Variants in TUBGCP2 observed in about 807,000 individuals in gnomAD.
TUBGCP2 encodes the protein gamma-tubulin complex component 2.
In TUBGCP2, 55 loss-of-function variants were observed where a neutral mutation model predicts 92.2. The ratio of observed to expected loss-of-function variants is 0.60; its 90% CI spans 0.48 to 0.75. The LOEUF is 0.75. Among genes scored for constraint, TUBGCP2 ranks in the 30% least tolerant of loss-of-function variants. TUBGCP2 has a pLI of 0.00. For missense variants in TUBGCP2, 1,093 were observed against 1,188.9 expected (o/e 0.92, Z 1.19); for synonymous variants, 533 against 505.2 (o/e 1.06, Z -0.74).
At position 133,279,419 on chromosome 10, in the gene TUBGCP2, G is replaced by A. The variant is rs1305921194; in HGVS notation, c.*347C>T. 4 of 235,054 alleles carry A rather than the reference G, an allele frequency of 1.7e-5. No homozygotes were observed. Among genetic ancestry groups the A allele is most frequent in the South Asian group, 6.5e-5 (1 of 15,478 alleles). The allele number at this position is 235,054 out of a possible 1,614,324, so 14.6% of individuals were successfully genotyped here. On this transcript the variant is annotated 3_prime_UTR_variant, in exon 18 of 18. Transcript: ENST00000252936. Reference sequence around the variant, plus strand: ...CAGGAAGCCCGGCCCCAGCTCACCCGGAAAGATGTGGACACCAGGCCTGGA... The same window carrying A: ...CAGGAAGCCCGGCCCCAGCTCACCCAGAAAGATGTGGACACCAGGCCTGGA...
intron 7 of TUBGCP2, 128 bp from the exon 8 acceptor site, chr10:133,292,816 G>C: frequency 8.2e-7 from 1 of 1,224,692 alleles, no homozygotes; most frequent in South Asian, 1.5e-5. Context: ...TTTGGGATAC[G>C]TATTAACTGT....
chr10:133,280,227 C>T (rs1332909098), intron 17 of TUBGCP2, among the ~76,000 whole-genome samples: 1 of 152,208 alleles, frequency 6.6e-6, no homozygotes, highest in Non-Finnish European at 1.5e-5. Flanking sequence ...GGCACAAACA[C>T]AGGTTTCTTC....
intron 2 of TUBGCP2, among the ~76,000 whole-genome samples, chr10:133,301,452 A>AAT (rs896215352): frequency 1.2e-4 from 18 of 152,100 alleles, no homozygotes; most frequent in African/African-American, 4.3e-4. Context: ...AGTGATTTAC[A>AAT]ATGCTTCCTT....
intron 13 of TUBGCP2, among the ~76,000 whole-genome samples, chr10:133,284,557 T>G (rs1305998005): frequency 2.0e-5 from 3 of 152,096 alleles, no homozygotes; most frequent in Non-Finnish European, 2.9e-5. Flanking sequence ...GATGAGCTCT[T>G]GTTACATTGT....
intron 9 of TUBGCP2, among the ~76,000 whole-genome samples, chr10:133,289,336 G>A (rs1339367238): frequency 6.6e-6 from 1 of 152,226 alleles, no homozygotes; most frequent in African/African-American, 2.4e-5. Context: ...TTTCGAACAG[G>A]CATTATGAGA....
At chr10:133,310,273 C>G (rs1847960132), upstream of TUBGCP2, 2 of 1,613,948 alleles carry the variant, frequency 1.2e-6, no homozygotes, top group Non-Finnish European at 1.7e-6. Context: ...TTTGATAAGC[C>G]AAAGAAAAGC....
At chr10:133,291,365 G>A (rs1422570099) in intron 8 of TUBGCP2, among the ~76,000 whole-genome samples, 120 of 582 alleles carry the variant, frequency 0.21, 42 homozygotes, top group East Asian at 0.83. Context: ...CCGTGTCCCC[G>A]TGTCCCTCCG....
Position 133,302,901 on chromosome 10 carries a change from A to AG in TUBGCP2, c.40dup (p.Leu14ProfsTer2). The stretch of plus-strand genomic sequence containing the variant: ...TCCTCCGTGGACACGCAGCAGGCTA[A>AG]GCAGTTCATTGACGTCATGGTGAAT... On this transcript the variant is annotated frameshift_variant, in exon 2 of 18. Coordinates refer to ENST00000252936, the MANE Select transcript of TUBGCP2 (RefSeq NM_006659.4). LOFTEE classifies it high-confidence loss of function. The AG allele has an allele frequency of 6.2e-7, 1 of 1,614,074 alleles. No individual in the cohort carries two copies.
rs111354094 is a variant in TUBGCP2 at position 133,293,786 on chromosome 10, C to T, written c.617-17G>A. The T allele has an allele frequency of 6.2e-5, 97 of 1,566,048 alleles. 2 individuals carry two copies. In the African/African-American group the frequency reaches 6.3e-4, roughly 10 times the overall value. On this transcript the variant is annotated splice_polypyrimidine_tract_variant and intron_variant, in intron 5 of 17. Coordinates refer to ENST00000252936, the MANE Select transcript of TUBGCP2 (RefSeq NM_006659.4). The stretch of plus-strand genomic sequence containing the variant: ...GCAACGTGCCTGCGGGCACAGACAG[C>T]GCTGTGGCTCTGCAGCCCCCACTCC...
intron 13 of TUBGCP2, 69 bp from the exon 14 acceptor site, chr10:133,284,071 G>A (rs370523531): frequency 9.5e-6 from 15 of 1,577,234 alleles, no homozygotes; most frequent in South Asian, 2.3e-5. Flanking sequence ...CAAGTGACAC[G>A]GAGGACGGAG....
intron 2 of TUBGCP2, chr10:133,302,373 G>A (rs562552634): frequency 2.8e-5 from 7 of 250,868 alleles, no homozygotes; most frequent in African/African-American, 9.2e-5. Context: ...GCACAGCCCT[G>A]CACCAGAGGT....
chr10:133,299,232 A>C (rs1485067966), intron 4 of TUBGCP2, among the ~76,000 whole-genome samples, 195 bp downstream of exon 4: 1 of 152,128 alleles, frequency 6.6e-6, no homozygotes, highest in Non-Finnish European at 1.5e-5. Flanking sequence ...TTAAAAAAAA[A>C]ACTAAACATA....
Position 133,291,096 on chromosome 10 carries a change from C to T in TUBGCP2, c.1215-1127G>A. 7.3e-6 allele frequency: 2 copies of T among 273,616 alleles called. 1 individual carries two copies. Among genetic ancestry groups the T allele is most frequent in the Admixed American group, 1.0e-4 (2 of 19,750 alleles). 16.9% of individuals were successfully genotyped at this position (273,616 alleles called of 1,614,324 possible). ...TAATTGGAGGCAATTTAATGTCCTG[C>T]ACACAAAAGAATAAGGCCATAAGCA... is the stretch of plus-strand genomic sequence containing the variant. On this transcript the variant is annotated intron_variant, in intron 8 of 17. Transcript: ENST00000252936.
rs1424590258 is a variant in TUBGCP2 at position 133,290,065 on chromosome 10, G to A, written c.1215-96C>T. The A allele has an allele frequency of 8.6e-6, 13 of 1,508,900 alleles. No homozygotes were observed. The Admixed American group carries it at 1.6e-4, about 18-fold the overall frequency. 93.5% of individuals were successfully genotyped at this position (1,508,900 alleles called of 1,614,324 possible). Reference sequence around the variant, plus strand: ...CCGGCAGCGCGCAGGGACATTAACAGAGGCCAGCACACTTCCAAGTAACGT... The same window carrying A: ...CCGGCAGCGCGCAGGGACATTAACAAAGGCCAGCACACTTCCAAGTAACGT... On this transcript the variant is annotated intron_variant, in intron 8 of 17. Coordinates refer to ENST00000252936, the MANE Select transcript of TUBGCP2 (RefSeq NM_006659.4).
intron 5 of TUBGCP2, among the ~76,000 whole-genome samples, chr10:133,294,333 G>C (rs942313450): frequency 6.6e-6 from 1 of 152,198 alleles, no homozygotes; most frequent in African/African-American, 2.4e-5. Context: ...GCCATGCCTG[G>C]GGGGCCGGGA....
chr10:133,295,318 A>C (rs1430122205), intron 5 of TUBGCP2: 1 of 152,246 alleles, frequency 6.6e-6, no homozygotes, highest in Non-Finnish European at 1.5e-5. Flanking sequence ...GTGATGGTGC[A>C]CACCTGCAGT....
At chr10:133,286,477 A>G (rs1847135632) in intron 11 of TUBGCP2, among the ~76,000 whole-genome samples, 1 of 152,234 alleles carries the variant, frequency 6.6e-6, no homozygotes, top group African/African-American at 2.4e-5. Flanking sequence ...CCTACTTCTA[A>G]CCACGGAGAG....
intron 1 of TUBGCP2, among the ~76,000 whole-genome samples, chr10:133,306,638 AT>A (rs1251299341): frequency 1.3e-5 from 2 of 152,032 alleles, no homozygotes; most frequent in African/African-American, 2.4e-5. Context: ...ATACAAAAAA[AT>A]TAGCCGGGGG....
chr10:133,298,962 G>A (rs1469382365), intron 4 of TUBGCP2, among the ~76,000 whole-genome samples: 2 of 152,238 alleles, frequency 1.3e-5, no homozygotes, highest in African/African-American at 2.4e-5. Context: ...GATGACTTAC[G>A]TCAAAAGACC....
Sources: gnomAD v4.1 joint callset for allele counts (sites outside exome capture counted in the v4.1 genomes callset) on GRCh38, gnomAD v4.1.1 for gene constraint, MANE v1.5 for transcripts, NCBI Gene and HGNC (gene_info 2026-07-23, HGNC 2026-07-21) for gene names.